The following ARHGEF7 variants were observed in gnomAD, a reference collection of about 807,000 sequenced individuals.
The protein encoded by ARHGEF7 is Rho guanine nucleotide exchange factor 7, also known as PAK-interacting exchange factor beta.
ARHGEF7 carries 33 observed loss-of-function variants against 109.8 expected under a neutral mutation model. The observed-to-expected ratio is 0.30, with a 90% CI of 0.23 to 0.40. The LOEUF (loss-of-function observed/expected upper bound fraction) is 0.40. Ranked by LOEUF, ARHGEF7 falls within the 10% of genes least tolerant of loss-of-function variation. The pLI, the probability that ARHGEF7 is intolerant of heterozygous loss-of-function variation, is 1.00. For synonymous variants in ARHGEF7, 458 were observed against 424.6 expected (o/e 1.08, Z -0.97); for missense variants, 938 against 1,098.5 (o/e 0.85, Z 2.07).
At chr13:111,169,420 C>T (rs146739911) in intron 2 of ARHGEF7, among the ~76,000 whole-genome samples, 2 of 152,256 alleles carry the variant, frequency 1.3e-5, no homozygotes, top group East Asian at 3.9e-4. Context: ...GCAGGCTCGT[C>T]TTAACTGGCC....
rs80128470 is a variant in ARHGEF7 at position 111,222,839 on chromosome 13, C to T, written c.670+4959C>T. Among the ~76,000 whole-genome samples the T allele has an allele frequency of 2.0e-5, 3 of 152,372 alleles. No homozygotes were observed. The East Asian group carries it at 5.8e-4, about 29-fold the overall frequency. On this transcript the variant is annotated intron_variant, in intron 5 of 21. Coordinates refer to ENST00000646102, the MANE Select transcript of ARHGEF7 (RefSeq NM_001354046.2). ...TCTAGGATCACAATTACATTCAGTA[C>T]AGCAGACTTCCCTCTCACCTCTGGC... is the stretch of plus-strand genomic sequence containing the variant.
chr13:111,287,887 C>T (rs1479770158), intron 17 of ARHGEF7, among the ~76,000 whole-genome samples: 1 of 152,258 alleles, frequency 6.6e-6, no homozygotes, highest in Non-Finnish European at 1.5e-5. Flanking sequence ...AACAGACAGG[C>T]ACGGATGGCC....
intron 2 of ARHGEF7, chr13:111,182,399 T>C: frequency 6.6e-6 from 1 of 152,418 alleles, no homozygotes; most frequent in Non-Finnish European, 1.5e-5. Flanking sequence ...ATGTGTTGCA[T>C]ACAAAAGGCT....
At chr13:111,301,426 C>T (rs2093564508) in intron 20 of ARHGEF7, 52 bp from the exon 21 acceptor site, 1 of 1,526,352 alleles carries the variant, frequency 6.6e-7, no homozygotes, top group African/African-American at 1.4e-5. Context: ...TTTCGTGTGT[C>T]CTCTCCATGC....
At chr13:111,189,411 C>G (rs2079608736) in intron 2 of ARHGEF7, among the ~76,000 whole-genome samples, 1 of 152,134 alleles carries the variant, frequency 6.6e-6, no homozygotes, top group Admixed American at 6.5e-5. Flanking sequence ...AGCCGCAGAC[C>G]TTCGCAGTGA....
At chr13:111,122,858 A>G (rs1480352992) in intron 1 of ARHGEF7, 1 of 152,288 alleles carries the variant, frequency 6.6e-6, no homozygotes, top group Non-Finnish European at 1.5e-5. Flanking sequence ...GGGCACCTGC[A>G]TGTGGTTGTG....
rs1003417135 is a variant in ARHGEF7, at chr13:111,266,628, G to C, written c.951-920G>C. Among the ~76,000 whole-genome samples, 3 of 152,104 alleles carry C rather than the reference G, an allele frequency of 2.0e-5. No individual in the cohort carries two copies. The highest frequency in any genetic ancestry group is 6.5e-5 in the Admixed American group (1 of 15,276). On this transcript the variant is annotated intron_variant, in intron 8 of 21. Transcript: ENST00000646102. This position sits in a 1 kb window ranked among gnomAD's most constrained non-coding sequence, Gnocchi z 4.8. The stretch of plus-strand genomic sequence containing the variant: ...ACACTAAAAGCACTTTGGAAGTGCT[G>C]TCCGAGAGTTGGGACTGGTTGACTC...
At chr13:111,132,874 G>A (rs894050448) in intron 1 of ARHGEF7, among the ~76,000 whole-genome samples, 39 of 151,774 alleles carry the variant, frequency 2.6e-4, no homozygotes, top group African/African-American at 9.2e-4. Flanking sequence ...ATTGGGAGTA[G>A]GGGTAGGGAT....
At chr13:111,284,948 C>G (rs1162386320) in intron 16 of ARHGEF7, among the ~76,000 whole-genome samples, 1 of 152,230 alleles carries the variant, frequency 6.6e-6, no homozygotes, top group African/African-American at 2.4e-5. Context: ...GCCATGAGCA[C>G]ATGTGTATAA....
chr13:111,196,381 G>GGCTGCAGCTAAA (rs1180512967), intron 2 of ARHGEF7, among the ~76,000 whole-genome samples: 3 of 152,148 alleles, frequency 2.0e-5, no homozygotes, highest in Admixed American at 6.5e-5. Flanking sequence ...CAAACTCTCG[G>GGCTGCAGCTAAA]GCTGCAGCTA....
chr13:111,200,764 C>T (rs1012649023), intron 2 of ARHGEF7, among the ~76,000 whole-genome samples: 5 of 152,216 alleles, frequency 3.3e-5, no homozygotes, highest in African/African-American at 9.7e-5. Flanking sequence ...TTCCCAAGTA[C>T]ACTTTGTAGA....
intron 2 of ARHGEF7, among the ~76,000 whole-genome samples, chr13:111,197,236 A>G (rs1327087954): frequency 1.3e-5 from 2 of 151,668 alleles, no homozygotes; most frequent in Admixed American, 6.6e-5. Flanking sequence ...CCGACGCAGC[A>G]GCAGAAACAC....
chr13:111,192,078 G>A (rs2079956037), intron 2 of ARHGEF7, among the ~76,000 whole-genome samples: 1 of 152,210 alleles, frequency 6.6e-6, no homozygotes, highest in Non-Finnish European at 1.5e-5. Flanking sequence ...AGCCTTTTTA[G>A]TCTGGGATAT....
chr13:111,177,700 GT>G (rs1263226479), intron 2 of ARHGEF7, among the ~76,000 whole-genome samples: 1 of 152,222 alleles, frequency 6.6e-6, no homozygotes, highest in African/African-American at 2.4e-5. Context: ...CTCAGACAGA[GT>G]GGCCCAGACT....
intron 5 of ARHGEF7, among the ~76,000 whole-genome samples, chr13:111,221,494 T>TATATATCTATATATATAG (rs2084228238): frequency 1.7e-5 from 1 of 59,200 alleles, no homozygotes. Context: ...TATATAGACA[T>TATATATCTATATATATAG]ATATATATCT....
At chr13:111,210,114 G>T in intron 4 of ARHGEF7, 112 bp downstream of exon 4, 1 of 1,417,980 alleles carries the variant, frequency 7.1e-7, no homozygotes, top group Non-Finnish European at 9.6e-7. Flanking sequence ...CAGGGCAAAG[G>T]TAGCTGGACT....
At chr13:111,123,862 G>GGCCCCCCCCCCCCCCCCCCCCC in intron 1 of ARHGEF7, among the ~76,000 whole-genome samples, 1 of 110,144 alleles carries the variant, frequency 9.1e-6, no homozygotes, top group Non-Finnish European at 2.0e-5. Flanking sequence ...GGTGGGCTGC[G>GGCCCCCCCCCCCCCCCCCCCCC]CCCCCCCCCC....
intron 5 of ARHGEF7, among the ~76,000 whole-genome samples, chr13:111,225,864 C>G (rs1354191272): frequency 6.6e-6 from 1 of 152,184 alleles, no homozygotes; most frequent in African/African-American, 2.4e-5. Flanking sequence ...TATAACCTTA[C>G]TATGGCCTCT....
intron 19 of ARHGEF7, chr13:111,293,212 A>C (rs1426809411): frequency 1.0e-6 from 1 of 985,258 alleles, no homozygotes; most frequent in Admixed American, 6.2e-5. Context: ...CATTTGGAAT[A>C]CTTACAAAGT....
Sources: gnomAD v4.1 joint callset for allele counts (sites outside exome capture counted in the v4.1 genomes callset) on GRCh38, gnomAD v4.1.1 for gene constraint, Gnocchi (gnomAD v3.1) non-coding constraint, MANE v1.5 for transcripts, NCBI Gene and HGNC (gene_info 2026-07-23, HGNC 2026-07-21) for gene names.